ZNF726: variants seen among roughly 807,000 people sequenced by gnomAD.
ZNF726 encodes the protein zinc finger protein 726, also known as zinc finger protein 92 pseudogene 3.
Under a neutral mutation model 11.6 loss-of-function variants are expected in ZNF726, and 15 were observed. The ratio of observed to expected loss-of-function variants is 1.29; its 90% CI spans 0.86 to 1.99. The LOEUF (loss-of-function observed/expected upper bound fraction) is 1.99. ZNF726 is among the 30% of genes most tolerant of loss of function. ZNF726 has a pLI of 0.00. For synonymous variants in ZNF726, 295 were observed against 243.6 expected (o/e 1.21, Z -1.96); for missense variants, 890 against 725.6 (o/e 1.23, Z -2.60).
chr19:23,925,546 T>TA (rs1375902320), intron 3 of ZNF726, among the ~76,000 whole-genome samples: 1 of 151,928 alleles, frequency 6.6e-6, no homozygotes, highest in African/African-American at 2.4e-5. Flanking sequence ...AAAAAATTGA[T>TA]AGTGGCCATT....
At chr19:23,935,141 A>G, downstream of ZNF726, 2 of 372,914 alleles carry the variant, frequency 5.4e-6, no homozygotes, top group Non-Finnish European at 1.1e-5. Flanking sequence ...ACCCCACGCA[A>G]ATCTCGTCTT....
chr19:23,932,808 G>A lies in ZNF726; in HGVS notation c.692G>A (p.Cys231Tyr), dbSNP rs1385710646. The change falls in exon 4 of 4, where the codon TGT (cysteine) becomes TAT (tyrosine). Residue 231 changes from cysteine to tyrosine, a missense_variant. Cys to Tyr is a radical substitution (Grantham distance 194). Transcript: ENST00000594466. ...KTHTEEKPYKCEEYGKAFNQS... is the reference protein window; with the variant it reads ...KTHTEEKPYKYEEYGKAFNQS... ...CATACTGAAGAAAAGCCCTACAAAT[G>A]TGAAGAATATGGCAAAGCTTTTAAT... The A allele has an allele frequency of 3.1e-6, 5 of 1,610,168 alleles. No individual in the cohort carries two copies. The highest frequency in any genetic ancestry group is 1.3e-5 in the African/African-American group (1 of 74,810).
At position 23,933,312 on chromosome 19, in the gene ZNF726, G is replaced by C; in HGVS notation, c.1196G>C (p.Cys399Ser). 6.2e-7 allele frequency: 1 copy of C among 1,613,502 alleles called. No homozygotes were observed. The highest frequency in any genetic ancestry group is 1.3e-5 in the African/African-American group (1 of 74,978). Residue 399 changes from cysteine to serine, a missense_variant, in exon 4 of 4, where the codon TGT becomes TCT. Transcript: ENST00000594466. ...RIHTGEKPYK[C>S]EECGKAFHRS... ...CACACTGGAGAGAAACCCTACAAATGTGAAGAATGTGGCAAAGCTTTTCAT... is the reference window on the plus strand; with the variant it reads ...CACACTGGAGAGAAACCCTACAAATCTGAAGAATGTGGCAAAGCTTTTCAT...
intron 3 of ZNF726, among the ~76,000 whole-genome samples, chr19:23,922,313 A>G (rs941949669): frequency 5.3e-5 from 8 of 152,236 alleles, no homozygotes; most frequent in Non-Finnish European, 7.3e-5. Flanking sequence ...GGATTTTCCC[A>G]GGTCACTTTG....
chr19:23,918,730 G>GTT (rs77837826), intron 1 of ZNF726, among the ~76,000 whole-genome samples: 16 of 147,744 alleles, frequency 1.1e-4, no homozygotes, highest in Non-Finnish European at 1.8e-4. Flanking sequence ...GCAGCTGCCT[G>GTT]TTTTTTTTAG....
intron 3 of ZNF726, among the ~76,000 whole-genome samples, chr19:23,929,703 T>A (rs1436016342): frequency 6.6e-6 from 1 of 152,174 alleles, no homozygotes; most frequent in East Asian, 1.9e-4. Context: ...TCATGACAAC[T>A]TCAATTGAAT....
At chr19:23,941,643 T>A (rs1968340692) in intron 3 of ZNF726, among the ~76,000 whole-genome samples, 1 of 152,130 alleles carries the variant, frequency 6.6e-6, no homozygotes, top group African/African-American at 2.4e-5. Context: ...CCATTTTAAT[T>A]TCACTCTTTT....
At chr19:23,939,862 A>ATTTTTTTTTTTT (rs374902806) in intron 3 of ZNF726, among the ~76,000 whole-genome samples, 1,298 of 86,974 alleles carry the variant, frequency 0.015, 103 homozygotes, top group Non-Finnish European at 0.021. Context: ...TTTTGATGGG[A>ATTTTTTTTTTTT]TTTTTTTTTT....
intron 3 of ZNF726, among the ~76,000 whole-genome samples, chr19:23,925,713 C>CTTT (rs1207103965): frequency 3.6e-5 from 4 of 112,604 alleles, no homozygotes; most frequent in African/African-American, 7.6e-5. Flanking sequence ...TTTTTCTTTT[C>CTTT]TTTTTTTTTT....
intron 4 of ZNF726, chr19:23,943,695 A>T (rs527509936): frequency 7.0e-6 from 3 of 428,522 alleles, no homozygotes; most frequent in Non-Finnish European, 1.3e-5. Flanking sequence ...CAGTGGAAAG[A>T]TTTCCTAAAA....
At chr19:23,931,719 T>C (rs981745608) in intron 3 of ZNF726, among the ~76,000 whole-genome samples, 5 of 152,182 alleles carry the variant, frequency 3.3e-5, no homozygotes, top group Non-Finnish European at 7.3e-5. Flanking sequence ...TGTCTGAAAT[T>C]TTGTGTTCAG....
At chr19:23,917,206 C>T (rs1247411995) in intron 1 of ZNF726, among the ~76,000 whole-genome samples, 1 of 152,212 alleles carries the variant, frequency 6.6e-6, no homozygotes, top group Admixed American at 6.5e-5. Flanking sequence ...CTTCTTTGGC[C>T]TCCCAAAGTG....
At chr19:23,939,118 C>G (rs963808683), downstream of ZNF726, among the ~76,000 whole-genome samples, 8 of 151,298 alleles carry the variant, frequency 5.3e-5, no homozygotes, top group East Asian at 1.6e-3. Context: ...TATCCCTCCC[C>G]CTTCCCACTC....
chr19:23,941,432 G>C (rs1222828601), intron 3 of ZNF726, among the ~76,000 whole-genome samples: 1 of 152,054 alleles, frequency 6.6e-6, no homozygotes, highest in East Asian at 1.9e-4. Context: ...ATATTAATCT[G>C]TAGTTTTCTT....
At chr19:23,915,106 G>C in intron 1 of ZNF726, 109 bp downstream of exon 1, 2 of 1,543,910 alleles carry the variant, frequency 1.3e-6, no homozygotes. Flanking sequence ...TTTACAATCT[G>C]CGCCCGAGTT....
downstream of ZNF726, among the ~76,000 whole-genome samples, chr19:23,937,697 A>G (rs1968269195): frequency 6.6e-6 from 1 of 151,770 alleles, no homozygotes; most frequent in Non-Finnish European, 1.5e-5. Flanking sequence ...CACATCCCAG[A>G]CGATGGGCGG....
intron 3 of ZNF726, among the ~76,000 whole-genome samples, chr19:23,929,992 C>A (rs1315232566): frequency 6.6e-6 from 1 of 152,124 alleles, no homozygotes; most frequent in African/African-American, 2.4e-5. Context: ...TAGAGTCTCA[C>A]TGTATTACTC....
At position 23,917,086 on chromosome 19, in the gene ZNF726, G is replaced by T. The variant is rs549559412; in HGVS notation, c.3+2089G>T. On this transcript the variant is annotated intron_variant, in intron 1 of 3. Transcript: ENST00000594466. Reference sequence around the variant, plus strand: ...ATGCTTCAGTCTCCCAAGTAGGTGGGATTACAGGTGTGCACCACCACACCC... The same window carrying T: ...ATGCTTCAGTCTCCCAAGTAGGTGGTATTACAGGTGTGCACCACCACACCC... 3.3e-5 allele frequency among the ~76,000 whole-genome samples: 5 copies of T among 152,302 alleles called. No homozygotes were observed. The South Asian group carries it at 1.0e-3, about 32-fold the overall frequency.
chr19:23,941,593 G>T (rs1285397018), intron 3 of ZNF726, among the ~76,000 whole-genome samples: 1 of 152,054 alleles, frequency 6.6e-6, no homozygotes, highest in African/African-American at 2.4e-5. Context: ...CTGTGAATCA[G>T]TCTGGTCCTG....
Sources: allele counts gnomAD v4.1 joint callset (sites outside exome capture counted in the v4.1 genomes callset), GRCh38; gene constraint gnomAD v4.1.1; transcripts MANE v1.5; gene names NCBI Gene and HGNC (gene_info 2026-07-23, HGNC 2026-07-21).